KIFC3: variants seen among roughly 807,000 people sequenced by gnomAD.
KIFC3 encodes the protein kinesin-like protein KIFC3.
KIFC3 carries 60 observed loss-of-function variants against 101.8 expected under a neutral mutation model. The observed-to-expected ratio is 0.59, with a 90% confidence interval of 0.48 to 0.73. KIFC3 has a LOEUF of 0.73. KIFC3 is among the 30% of genes least tolerant of loss of function. The probability of loss-of-function intolerance (pLI) is 0.00; values close to 1 mark genes in which losing one functional copy is unlikely to be tolerated. For missense variants in KIFC3, 966 were observed against 1,137.1 expected (o/e 0.85, Z 2.16); for synonymous variants, 476 against 482.7 (o/e 0.99, Z 0.18).
chr16:57,802,833 G>A (rs765835776), upstream of KIFC3: 1 of 896,728 alleles, frequency 1.1e-6, no homozygotes, highest in Non-Finnish European at 1.8e-6. This position sits in a 1 kb window ranked among gnomAD's most constrained non-coding sequence, Gnocchi z 5.0. Context: ...TGAGCCATGC[G>A]TACTTTTGCA....
intron 1 of KIFC3, among the ~76,000 whole-genome samples, chr16:57,837,289 G>A (rs956582002): frequency 2.6e-5 from 4 of 151,912 alleles, no homozygotes; most frequent in Admixed American, 6.6e-5. Context: ...GCAACATGGC[G>A]AAACCCCGTC....
chr16:57,759,661 G>A, intron 18 of KIFC3, 67 bp downstream of exon 18: 1 of 1,225,978 alleles, frequency 8.2e-7, no homozygotes, highest in South Asian at 1.4e-5. Context: ...AGCCCATCCA[G>A]GTAAGGGCAG....
intron 1 of KIFC3, among the ~76,000 whole-genome samples, chr16:57,821,330 C>A (rs2055346282): frequency 6.6e-6 from 1 of 152,048 alleles, no homozygotes. Flanking sequence ...AATGACCAGA[C>A]CTTGCGAAAG....
Position 57,759,781 on chromosome 16 carries a change from C to CTG in KIFC3, c.2421_2422dup (p.Ser808ThrfsTer121), listed in dbSNP as rs1304663405. ...TCCAGGGCGGCTACTGGTCCCAGAG[C>CTG]TGGGGGCTGAGTGGGCCCGTGCCGA... On this transcript the variant is annotated frameshift_variant, in exon 18 of 20. Transcript: ENST00000445690. LOFTEE classifies it high-confidence loss of function. 8 of 1,611,364 alleles carry CTG rather than the reference C, an allele frequency of 5.0e-6. No homozygotes were observed. The highest frequency in any genetic ancestry group is 6.8e-6 in the Non-Finnish European group (8 of 1,179,050).
At chr16:57,765,362 C>T in intron 11 of KIFC3, 97 bp downstream of exon 11, 2 of 1,262,318 alleles carry the variant, frequency 1.6e-6, no homozygotes, top group Non-Finnish European at 2.2e-6. Context: ...GCACCCCCCA[C>T]TCTTAACGCT....
intron 1 of KIFC3, among the ~76,000 whole-genome samples, chr16:57,814,381 T>G (rs2055168031): frequency 6.6e-6 from 1 of 152,166 alleles, no homozygotes; most frequent in Non-Finnish European, 1.5e-5. Flanking sequence ...TCTCCTACAT[T>G]AGATTGGAGG....
chr16:57,766,450 C>G (rs782719820), intron 10 of KIFC3, among the ~76,000 whole-genome samples: 4 of 152,208 alleles, frequency 2.6e-5, no homozygotes, highest in Non-Finnish European at 5.9e-5. Context: ...TCTGTGGGGC[C>G]ACGACCATAG....
intron 2 of KIFC3, among the ~76,000 whole-genome samples, chr16:57,797,092 T>A (rs2054388792): frequency 6.6e-6 from 1 of 152,186 alleles, no homozygotes; most frequent in African/African-American, 2.4e-5. Flanking sequence ...TCGGAAGGCA[T>A]CAGTCCAGCT....
chr16:57,844,349 G>C (rs568381828), intron 1 of KIFC3, among the ~76,000 whole-genome samples: 2 of 146,778 alleles, frequency 1.4e-5, no homozygotes, highest in Admixed American at 1.4e-4. Flanking sequence ...AAAATTGCTT[G>C]AACCCGGGAG....
chr16:57,776,291 T>G, intron 3 of KIFC3: 1 of 985,486 alleles, frequency 1.0e-6, no homozygotes, highest in Non-Finnish European at 1.2e-6. Flanking sequence ...GAGCACACCC[T>G]GTGGAGCCCA....
intron 1 of KIFC3, among the ~76,000 whole-genome samples, chr16:57,800,075 CAG>C (rs141690411): frequency 6.6e-6 from 1 of 151,510 alleles, no homozygotes; most frequent in Non-Finnish European, 1.5e-5. Context: ...ATTGGGGAGA[CAG>C]AGAGACAGGA....
rs181163708 is a variant in KIFC3, at chr16:57,851,716, A to G, written c.108+11013T>C. ...TGAGTAGCTGGGATTACAGGCCTGC[A>G]CCACCACACCCGGCTAATTTTTGTT... is the stretch of plus-strand genomic sequence containing the variant. On this transcript the variant is annotated intron_variant, in intron 1 of 2. Coordinates refer to the KIFC3 transcript ENST00000563028. Among the ~76,000 whole-genome samples the G allele has an allele frequency of 4.6e-3, 702 of 151,464 alleles. 5 individuals are homozygous for G. The highest frequency in any genetic ancestry group is 0.016 in the African/African-American group (663 of 41,318).
intron 3 of KIFC3, among the ~76,000 whole-genome samples, chr16:57,794,274 G>A (rs1214413004): frequency 7.5e-5 from 11 of 147,440 alleles, no homozygotes; most frequent in South Asian, 2.1e-4. Flanking sequence ...ACTCTGTCAC[G>A]CAGGCTGGAG....
chr16:57,836,026 A>G (rs958248760), intron 1 of KIFC3, among the ~76,000 whole-genome samples: 1 of 152,096 alleles, frequency 6.6e-6, no homozygotes, highest in Non-Finnish European at 1.5e-5. Flanking sequence ...CCCAGAACAC[A>G]CTAGATTCCA....
Position 57,850,465 on chromosome 16 carries a change from G to GTTTTTTTT in KIFC3, c.108+12256_108+12263dup, listed in dbSNP as rs373157438. ...TAAATAAAAATAAATTTTAAAAAGG[G>GTTTTTTTT]TTTTTTTTTTTTTTTTTTTTTTTTG... On this transcript the variant is annotated intron_variant, in intron 1 of 2. Coordinates refer to the KIFC3 transcript ENST00000563028. Among the ~76,000 whole-genome samples the GTTTTTTTT allele has an allele frequency of 2.4e-4, 20 of 84,102 alleles. 1 individual carries two copies. Among genetic ancestry groups the GTTTTTTTT allele is most frequent in the Non-Finnish European group, 2.7e-4 (13 of 47,992 alleles). The allele number at this position is 84,102 out of a possible 152,430, so 55.2% of individuals were successfully genotyped here. A position where few individuals can be genotyped will look rare whatever the true frequency, so the allele number is the denominator to read the frequency against.
chr16:57,764,410 T>A, intron 11 of KIFC3, 163 bp from the exon 12 acceptor site: 1 of 602,128 alleles, frequency 1.7e-6, no homozygotes. Context: ...TCATGAGTCA[T>A]ACATTAGACA....
chr16:57,831,808 C>T (rs2149295847), intron 1 of KIFC3, among the ~76,000 whole-genome samples: 1 of 152,302 alleles, frequency 6.6e-6, no homozygotes, highest in East Asian at 1.9e-4. Context: ...CCCACAGACA[C>T]CTTGGGTTGC....
chr16:57,767,274 T>C (rs1172427754), intron 9 of KIFC3, among the ~76,000 whole-genome samples: 4 of 152,214 alleles, frequency 2.6e-5, no homozygotes, highest in Admixed American at 2.6e-4. Flanking sequence ...AGTGCTTGAC[T>C]ATGTGATTCA....
In KIFC3 at chr16:57,848,542, C is replaced by T. The variant is rs1475096717; in HGVS notation, c.108+14187G>A. 2.0e-5 allele frequency among the ~76,000 whole-genome samples: 3 copies of T among 152,164 alleles called. No homozygotes were observed. The East Asian group carries it at 5.8e-4, about 29-fold the overall frequency. On this transcript the variant is annotated intron_variant, in intron 1 of 2. Coordinates refer to the KIFC3 transcript ENST00000563028. Reference sequence around the variant, plus strand: ...ATTGGGAAGGCTGAATCCAGAGGATCCCTTGAGCCCATGAATTTGAGGCTG... The same window carrying T: ...ATTGGGAAGGCTGAATCCAGAGGATTCCTTGAGCCCATGAATTTGAGGCTG...
Sources: gnomAD v4.1 joint callset for allele counts (sites outside exome capture counted in the v4.1 genomes callset) on GRCh38, gnomAD v4.1.1 for gene constraint, Gnocchi (gnomAD v3.1) non-coding constraint, MANE v1.5 for transcripts, NCBI Gene and HGNC (gene_info 2026-07-23, HGNC 2026-07-21) for gene names.